GALNT17: variants seen among roughly 807,000 people sequenced by gnomAD.
GALNT17 encodes the protein polypeptide N-acetylgalactosaminyltransferase 17.
In GALNT17, 29 loss-of-function variants were observed where a neutral mutation model predicts 63.7. The observed-to-expected ratio is 0.46, with a 90% CI of 0.34 to 0.62. The LOEUF (loss-of-function observed/expected upper bound fraction) is 0.62. Among genes scored for constraint, GALNT17 ranks in the 20% least tolerant of loss-of-function variants. The pLI is 0.01. For synonymous variants in GALNT17, 305 were observed against 318.3 expected, an observed-to-expected ratio of 0.96 and a Z score of 0.45; for missense variants, 603 against 799.6, an observed-to-expected ratio of 0.75 and a Z score of 2.97.
At chr7:71,648,570 G>C (rs1056458476) in intron 6 of GALNT17, among the ~76,000 whole-genome samples, 1 of 151,942 alleles carries the variant, frequency 6.6e-6, no homozygotes, top group Non-Finnish European at 1.5e-5. Context: ...ACTATGCTTG[G>C]TCCACTCCTT....
At chr7:71,184,605 C>T (rs1416140836) in intron 1 of GALNT17, among the ~76,000 whole-genome samples, 2 of 152,180 alleles carry the variant, frequency 1.3e-5, no homozygotes, top group Non-Finnish European at 2.9e-5. Context: ...CTCCCTGGCC[C>T]AGCTCTTAGA....
At chr7:71,582,733 G>A (rs1376975998) in intron 6 of GALNT17, among the ~76,000 whole-genome samples, 1 of 152,122 alleles carries the variant, frequency 6.6e-6, no homozygotes, top group Admixed American at 6.6e-5. Context: ...ACCAAAGATC[G>A]TGTGTTCTTG....
intron 6 of GALNT17, among the ~76,000 whole-genome samples, chr7:71,600,546 T>C (rs1789952142): frequency 6.6e-6 from 1 of 152,106 alleles, no homozygotes; most frequent in Non-Finnish European, 1.5e-5. Context: ...GCTGCTCTTA[T>C]TTATCTCCAA....
intron 6 of GALNT17, among the ~76,000 whole-genome samples, chr7:71,656,356 A>G (rs1454919933): frequency 1.3e-5 from 2 of 152,174 alleles, no homozygotes; most frequent in East Asian, 3.9e-4. Flanking sequence ...TTAGGAGTTA[A>G]CTAGGCAGAT....
intron 3 of GALNT17, among the ~76,000 whole-genome samples, chr7:71,407,550 C>G (rs1171626548): frequency 6.6e-6 from 1 of 152,114 alleles, no homozygotes; most frequent in African/African-American, 2.4e-5. Context: ...AGTTCAAGAC[C>G]AGCCTCAGCA....
intron 6 of GALNT17, among the ~76,000 whole-genome samples, chr7:71,651,059 T>G (rs1247113007): frequency 1.3e-5 from 2 of 152,022 alleles, no homozygotes; most frequent in African/African-American, 4.8e-5. Flanking sequence ...ATAAAATGCT[T>G]AATACTTACT....
At chr7:71,554,146 C>A (rs1789125369) in intron 5 of GALNT17, among the ~76,000 whole-genome samples, 1 of 152,202 alleles carries the variant, frequency 6.6e-6, no homozygotes. Flanking sequence ...TTCTTTGCTT[C>A]CTGATATGGT....
chr7:71,480,870 A>G (rs1563124395), intron 5 of GALNT17, among the ~76,000 whole-genome samples: 2 of 152,082 alleles, frequency 1.3e-5, no homozygotes. Flanking sequence ...GCTGGTGCCA[A>G]CCCCATGGAG....
chr7:71,199,359 A>G lies in GALNT17; in HGVS notation c.238+66319A>G, dbSNP rs139403466. On this transcript the variant is annotated intron_variant, in intron 1 of 10. Transcript: ENST00000333538. ...ATTTTTGTAACCCATTGGCATATGT[A>G]AGTGGTTTACACAGGTTCTTGTGGA... 7.6e-4 allele frequency among the ~76,000 whole-genome samples: 116 copies of G among 152,278 alleles called. 1 individual carries two copies. The highest frequency in any genetic ancestry group is 2.6e-3 in the African/African-American group (107 of 41,554).
intron 5 of GALNT17, among the ~76,000 whole-genome samples, chr7:71,500,115 A>T (rs187935022): frequency 6.6e-6 from 1 of 152,276 alleles, no homozygotes; most frequent in East Asian, 1.9e-4. Context: ...CCTTTATAGC[A>T]GTGTAAGAAT....
intron 1 of GALNT17, among the ~76,000 whole-genome samples, chr7:71,272,977 A>G (rs904165358): frequency 1.3e-5 from 2 of 152,152 alleles, no homozygotes; most frequent in Non-Finnish European, 2.9e-5. Context: ...AGAAGAGAGC[A>G]CGATCATTTT....
chr7:71,647,479 G>T (rs1412793698), intron 6 of GALNT17, among the ~76,000 whole-genome samples: 2 of 152,110 alleles, frequency 1.3e-5, no homozygotes. Context: ...GTGAGTGACA[G>T]CTTCTCCTGT....
chr7:71,440,219 T>C (rs1293499152), intron 5 of GALNT17, among the ~76,000 whole-genome samples: 1 of 152,054 alleles, frequency 6.6e-6, no homozygotes, highest in African/African-American at 2.4e-5. Context: ...GCCCTTTCTT[T>C]TTATTCCTTT....
intron 1 of GALNT17, among the ~76,000 whole-genome samples, chr7:71,217,145 G>GTTTTTTT (rs1197080765): frequency 5.7e-5 from 7 of 122,756 alleles, no homozygotes; most frequent in Middle Eastern, 5.2e-3. Context: ...TTCGTGTTTT[G>GTTTTTTT]TTTTTTTTTT....
At chr7:71,433,592 ATTATTGG>A (rs1157459310) in intron 5 of GALNT17, among the ~76,000 whole-genome samples, 1 of 152,194 alleles carries the variant, frequency 6.6e-6, no homozygotes, top group Admixed American at 6.5e-5. Flanking sequence ...TTGAGTATCA[ATTATTGG>A]TTCACAATGG....
In GALNT17 at chr7:71,259,496, A is replaced by G. The variant is rs563576987; in HGVS notation, c.239-76054A>G. On this transcript the variant is annotated intron_variant, in intron 1 of 10. Transcript: ENST00000333538. ...TTTTACGGGCACTTGGAAACGAAGC[A>G]CTGGTCCCTGTCCTGTGTCTCAGAT... is the stretch of plus-strand genomic sequence containing the variant. Among the ~76,000 whole-genome samples, 13 of 152,294 alleles carry G rather than the reference A, an allele frequency of 8.5e-5. No homozygotes were observed. In the South Asian group the frequency reaches 1.9e-3, roughly 22 times the overall value.
At chr7:71,299,861 G>T (rs1387642178) in intron 1 of GALNT17, among the ~76,000 whole-genome samples, 1 of 152,032 alleles carries the variant, frequency 6.6e-6, no homozygotes, top group East Asian at 1.9e-4. Flanking sequence ...CGCCTCCCGG[G>T]TTCAAGTGAT....
chr7:71,607,084 A>T (rs1484017595), intron 6 of GALNT17, among the ~76,000 whole-genome samples: 2 of 152,100 alleles, frequency 1.3e-5, no homozygotes, highest in African/African-American at 4.8e-5. Flanking sequence ...GGGTGGGAGG[A>T]TTGCTTGAGG....
chr7:71,377,114 AATATATAT>A lies in GALNT17; in HGVS notation c.423-11101_423-11094del, dbSNP rs1554362119. ...AAAAAAAAAAAATAAAAATAAAAAA[AATATATAT>A]ATATATATATATATATATAAAATCT... On this transcript the variant is annotated intron_variant, in intron 2 of 10. Transcript: ENST00000333538. Among the ~76,000 whole-genome samples the A allele has an allele frequency of 6.8e-4, 39 of 57,466 alleles. 2 individuals are homozygous for A. Among genetic ancestry groups the A allele is most frequent in the Admixed American group, 4.3e-3 (17 of 3,988 alleles). 37.7% of individuals were successfully genotyped at this position (57,466 alleles called of 152,430 possible).
Sources: gnomAD v4.1 joint callset for allele counts (sites outside exome capture counted in the v4.1 genomes callset) on GRCh38, gnomAD v4.1.1 for gene constraint, MANE v1.5 for transcripts, NCBI Gene and HGNC (gene_info 2026-07-23, HGNC 2026-07-21) for gene names.